The following ING5 variants were observed in gnomAD, a reference collection of about 807,000 sequenced individuals.
The protein encoded by ING5 is inhibitor of growth family member 5, also known as inhibitor of growth protein 5.
ING5 carries 17 observed loss-of-function variants against 37.4 expected under a neutral mutation model. That is an observed-to-expected ratio of 0.45 (90% CI 0.31 to 0.68). The LOEUF is 0.68. ING5 is among the 30% of genes least tolerant of loss of function. The probability of loss-of-function intolerance (pLI) is 0.05; values close to 1 mark genes in which losing one functional copy is unlikely to be tolerated. For missense variants in ING5, 233 were observed against 311.9 expected (o/e 0.75, Z 1.91); for synonymous variants, 123 against 116.6 (o/e 1.06, Z -0.36).
intron 2 of ING5, among the ~76,000 whole-genome samples, chr2:241,696,968 G>T (rs2069638996): frequency 6.6e-6 from 1 of 152,094 alleles, no homozygotes; most frequent in Non-Finnish European, 1.5e-5. Context: ...TGTAATCCCA[G>T]CTGCTTGGGA....
intron 5 of ING5, among the ~76,000 whole-genome samples, chr2:241,715,472 A>ATTTTTTTT (rs34545938): frequency 8.5e-5 from 6 of 70,952 alleles, no homozygotes; most frequent in Admixed American, 1.8e-4. Context: ...CTGGAATAGA[A>ATTTTTTTT]TTTTTTTTTT....
chr2:241,701,956 A>C, upstream of ING5: 1 of 627,584 alleles, frequency 1.6e-6, no homozygotes. Flanking sequence ...CCCGGGCGCG[A>C]CCAATCAGCG....
In ING5 at chr2:241,713,000, C is replaced by CAA. The variant is rs11377852; in HGVS notation, c.482+940_482+941dup. 1.6e-3 allele frequency among the ~76,000 whole-genome samples: 202 copies of CAA among 129,302 alleles called. No individual in the cohort carries two copies. The East Asian group carries it at 0.025, about 16-fold the overall frequency. 84.8% of individuals were successfully genotyped at this position (129,302 alleles called of 152,430 possible). ...TGGGCCACAGCATGAGACTCTGTCT[C>CAA]AAAAAAAAAAAATAAAGAGAAAAAA... On this transcript the variant is annotated intron_variant, in intron 5 of 7. Transcript: ENST00000313552.
upstream of ING5, chr2:241,701,903 G>A (rs1372956955): frequency 5.7e-6 from 2 of 350,532 alleles, no homozygotes; most frequent in Middle Eastern, 8.2e-4. Context: ...GGGCCCCGCA[G>A]CCCGCCGCCC....
chr2:241,719,174 G>C (rs151318711), intron 5 of ING5, among the ~76,000 whole-genome samples: 4 of 152,370 alleles, frequency 2.6e-5, no homozygotes, highest in African/African-American at 9.6e-5. Context: ...AGCGGTGCCC[G>C]AGCAGACCCC....
In ING5 at chr2:241,725,333, G is replaced by A; in HGVS notation, c.*302G>A. The A allele has an allele frequency of 2.4e-6, 1 of 415,362 alleles. No homozygotes were observed. Among genetic ancestry groups the A allele is most frequent in the East Asian group, 5.2e-5 (1 of 19,232 alleles). The allele number at this position is 415,362 out of a possible 1,614,324, so 25.7% of individuals were successfully genotyped here. A position where few individuals can be genotyped will look rare whatever the true frequency, so the allele number is the denominator to read the frequency against. ...GAGCTCGGGCTGCCCGGCCGGGCGT[G>A]CGGGCGGGGACATGGTAACCTGGTC... On this transcript the variant is annotated 3_prime_UTR_variant, in exon 8 of 8. Transcript: ENST00000313552.
In ING5 at chr2:241,728,043, A is replaced by G. The variant is rs1036721953; in HGVS notation, c.*3012A>G. On this transcript the variant is annotated 3_prime_UTR_variant, in exon 8 of 8. Coordinates refer to ENST00000313552, the MANE Select transcript of ING5 (RefSeq NM_032329.6). ...ATAATATCACCAAAATAATATGCAT[A>G]GAGTTTTGGAAGAAACATAGAAAAC... 1 of 152,298 alleles carries G rather than the reference A, an allele frequency of 6.6e-6. No individual in the cohort carries two copies. Among genetic ancestry groups the G allele is most frequent in the Non-Finnish European group, 1.5e-5 (1 of 68,054 alleles). 9.4% of individuals were successfully genotyped at this position (152,298 alleles called of 1,614,324 possible).
rs1691711403 is a variant in ING5, at chr2:241,728,637, G to A, written c.*3606G>A. Reference sequence around the variant, plus strand: ...CTGCTGCTGGGGACATGGATGCCAAGCGGAGGCCTGCGTGGCCTCCTGAGC... The same window carrying A: ...CTGCTGCTGGGGACATGGATGCCAAACGGAGGCCTGCGTGGCCTCCTGAGC... On this transcript the variant is annotated 3_prime_UTR_variant, in exon 8 of 8. Transcript: ENST00000313552. 1 of 152,454 alleles carries A rather than the reference G, an allele frequency of 6.6e-6. No homozygotes were observed. The highest frequency in any genetic ancestry group is 6.5e-5 in the Admixed American group (1 of 15,284). The allele number at this position is 152,454 out of a possible 1,614,324, so 9.4% of individuals were successfully genotyped here.
chr2:241,708,897 C>T (rs528399721), intron 2 of ING5, among the ~76,000 whole-genome samples: 1 of 152,228 alleles, frequency 6.6e-6, no homozygotes, highest in South Asian at 2.1e-4. Flanking sequence ...AGTAGTATGC[C>T]AGGTCATAGG....
chr2:241,712,941 T>C (rs1028810793), intron 5 of ING5, among the ~76,000 whole-genome samples: 1 of 149,158 alleles, frequency 6.7e-6, no homozygotes, highest in African/African-American at 2.5e-5. Flanking sequence ...GCTGGGAGGA[T>C]CATGAGCCAC....
chr2:241,698,619 T>G (rs2069667685), upstream of ING5, among the ~76,000 whole-genome samples: 1 of 151,992 alleles, frequency 6.6e-6, no homozygotes, highest in South Asian at 2.1e-4. Flanking sequence ...TATAATTAAA[T>G]GAGGCCAGTA....
Position 241,729,238 on chromosome 2 carries a change from C to T in ING5, c.*4207C>T, listed in dbSNP as rs1691732716. 1 of 152,560 alleles carries T rather than the reference C, an allele frequency of 6.6e-6. No individual in the cohort carries two copies. The highest frequency in any genetic ancestry group is 2.4e-5 in the African/African-American group (1 of 41,436). 9.5% of individuals were successfully genotyped at this position (152,560 alleles called of 1,614,324 possible). Reference sequence around the variant, plus strand: ...GAGATTGTGTTGGAGTTTCTTTCTTCCTCTGTATGTATTTTGTGGTGTCCA... The same window carrying T: ...GAGATTGTGTTGGAGTTTCTTTCTTTCTCTGTATGTATTTTGTGGTGTCCA... On this transcript the variant is annotated 3_prime_UTR_variant, in exon 8 of 8. Coordinates refer to ENST00000313552, the MANE Select transcript of ING5 (RefSeq NM_032329.6).
Position 241,694,641 on chromosome 2 carries a change from A to G in ING5, c.43+3988A>G, listed in dbSNP as rs183925269. On this transcript the variant is annotated intron_variant, in intron 2 of 7. Transcript: ENST00000636051. Reference sequence around the variant, plus strand: ...AAGCCTGATGAAATCTAGGGTTGGCAGAAGTATGGAAAGCAACCAGTGGCC... The same window carrying G: ...AAGCCTGATGAAATCTAGGGTTGGCGGAAGTATGGAAAGCAACCAGTGGCC... Among the ~76,000 whole-genome samples the G allele has an allele frequency of 2.0e-3, 302 of 151,778 alleles. 1 individual carries two copies. The highest frequency in any genetic ancestry group is 6.9e-3 in the African/African-American group (287 of 41,424).
At chr2:241,692,422 C>T (rs753726009) in intron 2 of ING5, among the ~76,000 whole-genome samples, 4 of 151,898 alleles carry the variant, frequency 2.6e-5, no homozygotes, top group Non-Finnish European at 4.4e-5. Context: ...GATCCTCCTG[C>T]CTCAGCATCT....
chr2:241,697,824 C>G (rs190418957), upstream of ING5, among the ~76,000 whole-genome samples: 1 of 151,320 alleles, frequency 6.6e-6, no homozygotes, highest in African/African-American at 2.4e-5. Context: ...GGCTCACGCC[C>G]GTAATCCCAA....
chr2:241,697,413 T>C (rs183140893), upstream of ING5, among the ~76,000 whole-genome samples: 12,291 of 135,766 alleles, frequency 0.091, 1,281 homozygotes, highest in African/African-American at 0.27. Context: ...CCAGCCTGGG[T>C]GACAGAGCGA....
chr2:241,687,184 C>A (rs2069448747), exon 1 of ING5: 1 of 394,078 alleles, frequency 2.5e-6, no homozygotes, highest in Non-Finnish European at 4.5e-6. Context: ...CGTCGGCTCT[C>A]GTTGGCCCCT....
Position 241,725,025 on chromosome 2 carries a change from G to A in ING5, c.717G>A (p.Lys239=), listed in dbSNP as rs780377393. Residue 239 remains lysine, a synonymous_variant, in exon 8 of 8, where the codon AAG becomes AAA. Coordinates refer to ENST00000313552, the MANE Select transcript of ING5 (RefSeq NM_032329.6). ...CPRCVQEKRK[K]K ...GGTGTGTCCAGGAAAAGAGGAAGAA[G>A]AAGTAGGAGGAGCTGTGTGCCCGGA... 2 of 1,614,022 alleles carry A rather than the reference G, an allele frequency of 1.2e-6. No individual in the cohort carries two copies. The highest frequency in any genetic ancestry group is 1.7e-6 in the Non-Finnish European group (2 of 1,179,968).
chr2:241,722,509 G>A, intron 5 of ING5: 3 of 985,464 alleles, frequency 3.0e-6, no homozygotes, highest in Middle Eastern at 5.2e-4. Flanking sequence ...CCCCTCTGCT[G>A]CCAGCTGCTG....
Sources: gnomAD v4.1 joint callset for allele counts (sites outside exome capture counted in the v4.1 genomes callset) on GRCh38, gnomAD v4.1.1 for gene constraint, MANE v1.5 for transcripts, NCBI Gene and HGNC (gene_info 2026-07-23, HGNC 2026-07-21) for gene names.